The following FBRSL1 variants were observed in gnomAD, a reference collection of about 807,000 sequenced individuals.
FBRSL1 encodes the protein fibrosin like 1.
Under a neutral mutation model 89.6 loss-of-function variants are expected in FBRSL1, and 51 were observed. The observed-to-expected ratio is 0.57, with a 90% CI of 0.45 to 0.72. FBRSL1 has a LOEUF of 0.72. FBRSL1 is among the 30% of genes least tolerant of loss of function. The probability of loss-of-function intolerance (pLI) is 0.00; values close to 1 mark genes in which losing one functional copy is unlikely to be tolerated. For synonymous variants in FBRSL1, 779 were observed against 681.1 expected (o/e 1.14, Z -2.24); for missense variants, 1,618 against 1,451.8 (o/e 1.11, Z -1.86).
intron 15 of FBRSL1, among the ~76,000 whole-genome samples, chr12:132,578,349 A>T (rs2040514840): frequency 1.3e-5 from 2 of 151,612 alleles, no homozygotes; most frequent in Non-Finnish European, 2.9e-5. Context: ...TGTCTCACAC[A>T]CACACACACA....
At chr12:132,491,278 C>T (rs570033155) in intron 1 of FBRSL1, among the ~76,000 whole-genome samples, 9 of 152,354 alleles carry the variant, frequency 5.9e-5, no homozygotes, top group African/African-American at 2.2e-4. Flanking sequence ...CCGTTCCCTC[C>T]TCCCTTCGAG....
intron 4 of FBRSL1, among the ~76,000 whole-genome samples, chr12:132,531,494 C>T (rs551355675): frequency 7.2e-5 from 11 of 152,106 alleles, no homozygotes; most frequent in Admixed American, 3.9e-4. Flanking sequence ...CTGCATGGGG[C>T]TGTGCGTTGC....
chr12:132,501,834 G>A (rs974325560), intron 1 of FBRSL1, among the ~76,000 whole-genome samples: 4 of 152,168 alleles, frequency 2.6e-5, no homozygotes, highest in Non-Finnish European at 5.9e-5. Flanking sequence ...ACCCAGGCCC[G>A]TGGCTCCTCT....
At chr12:132,575,418 G>T (rs928099248) in intron 14 of FBRSL1, among the ~76,000 whole-genome samples, 1 of 152,172 alleles carries the variant, frequency 6.6e-6, no homozygotes, top group South Asian at 2.1e-4. Flanking sequence ...TTGTAGAGAC[G>T]GGGTTTCACC....
intron 15 of FBRSL1, among the ~76,000 whole-genome samples, chr12:132,578,346 C>CACACACACACACACACACACAT (rs1190529414): frequency 6.6e-6 from 1 of 151,064 alleles, no homozygotes; most frequent in Non-Finnish European, 1.5e-5. Context: ...CCCTGTCTCA[C>CACACACACACACACACACACAT]ACACACACAC....
At chr12:132,555,477 C>T (rs552827494) in intron 5 of FBRSL1, among the ~76,000 whole-genome samples, 1 of 147,632 alleles carries the variant, frequency 6.8e-6, no homozygotes, top group Admixed American at 6.7e-5. Flanking sequence ...CCACGGTAGC[C>T]GCCCCACCCG....
chr12:132,568,654 C>A (rs1374841840), intron 6 of FBRSL1, among the ~76,000 whole-genome samples: 31 of 152,268 alleles, frequency 2.0e-4, no homozygotes, highest in South Asian at 2.1e-4. Flanking sequence ...TCTTTCCATC[C>A]TGATCACAGC....
chr12:132,531,560 T>TGTGTGTGA (rs2036284686), intron 4 of FBRSL1, among the ~76,000 whole-genome samples: 1 of 152,052 alleles, frequency 6.6e-6, no homozygotes, highest in Non-Finnish European at 1.5e-5. Context: ...CGTGTGTGTG[T>TGTGTGTGA]GTGTGTGCAC....
In FBRSL1 at chr12:132,582,227, A is replaced by C; in HGVS notation, c.2162A>C (p.His721Pro). 1 of 1,550,136 alleles carries C rather than the reference A, an allele frequency of 6.5e-7. No individual in the cohort carries two copies. Among genetic ancestry groups the C allele is most frequent in the Non-Finnish European group, 8.7e-7 (1 of 1,146,850 alleles). ...DAERVSALTN[H>P]DREPDNGKEE... Reference sequence around the variant, plus strand: ...GAGCGGGTGTCAGCCCTGACCAACCATGACCGAGAGCCGGACAATGGCAAG... The same window carrying C: ...GAGCGGGTGTCAGCCCTGACCAACCCTGACCGAGAGCCGGACAATGGCAAG... Residue 721 changes from histidine (H) to proline (P), a missense_variant, in exon 18 of 19, where the codon CAT becomes CCT. Transcript: ENST00000680143.
At chr12:132,563,523 A>G (rs2039321069) in intron 5 of FBRSL1, among the ~76,000 whole-genome samples, 1 of 151,694 alleles carries the variant, frequency 6.6e-6, no homozygotes, top group Admixed American at 6.6e-5. Context: ...GGGGCTTCTC[A>G]TTGCGCTCTT....
At chr12:132,521,731 C>T (rs529462147) in intron 2 of FBRSL1, among the ~76,000 whole-genome samples, 1 of 152,320 alleles carries the variant, frequency 6.6e-6, no homozygotes, top group East Asian at 1.9e-4. Flanking sequence ...TTGTGCACTG[C>T]ACCGCTCCAG....
intron 4 of FBRSL1, among the ~76,000 whole-genome samples, chr12:132,536,400 TATG>T (rs2036748681): frequency 6.6e-6 from 1 of 150,940 alleles, no homozygotes; most frequent in African/African-American, 2.5e-5. Flanking sequence ...TACATGACAA[TATG>T]ATTCTGTACA....
chr12:132,581,785 AGCAGCCACGCCTTTGGGGGCCTGG>A lies in FBRSL1; in HGVS notation c.1965_1988del (p.Phe657_Ala664del), dbSNP rs1455139638. 71 of 1,549,410 alleles carry A rather than the reference AGCAGCCACGCCTTTGGGGGCCTGG, an allele frequency of 4.6e-5. No individual in the cohort carries two copies. The highest frequency in any genetic ancestry group is 5.7e-5 in the Non-Finnish European group (65 of 1,146,522). On this transcript the variant is annotated inframe_deletion, in exon 17 of 19. Transcript: ENST00000680143. ...CACCTTTGGGGGCCTGGGCAGCCTG[AGCAGCCACGCCTTTGGGGGCCTGG>A]GCAGCCATGCACTGGGTGAGTGACC...
chr12:132,580,988 T>C, intron 15 of FBRSL1: 1 of 985,446 alleles, frequency 1.0e-6, no homozygotes, highest in Non-Finnish European at 1.2e-6. Context: ...GGGGCTGCCA[T>C]GTGCAGCCTC....
chr12:132,522,403 C>G (rs1244885019), intron 2 of FBRSL1, among the ~76,000 whole-genome samples: 1 of 152,140 alleles, frequency 6.6e-6, no homozygotes, highest in Non-Finnish European at 1.5e-5. Flanking sequence ...GGGAGGGGCT[C>G]TGTGCGCCTG....
At chr12:132,491,541 C>G (rs569710598) in intron 1 of FBRSL1, among the ~76,000 whole-genome samples, 3 of 152,352 alleles carry the variant, frequency 2.0e-5, no homozygotes, top group Non-Finnish European at 2.9e-5. Context: ...TTGCCCTGCA[C>G]CAGGGCCGAG....
At chr12:132,527,812 G>A in intron 3 of FBRSL1, 141 bp from the exon 4 acceptor site, 1 of 790,206 alleles carries the variant, frequency 1.3e-6, no homozygotes, top group Non-Finnish European at 2.1e-6. Context: ...TCGGGTCTGT[G>A]GATCTGCGGG....
intron 2 of FBRSL1, among the ~76,000 whole-genome samples, chr12:132,522,595 T>TACTGACGTCACAGAAACTG (rs1555270194): frequency 5.3e-5 from 8 of 152,212 alleles, no homozygotes; most frequent in Non-Finnish European, 1.0e-4. Flanking sequence ...TTGGTTTGGA[T>TACTGACGTCACAGAAACTG]ACTGACGTCA....
chr12:132,540,430 C>T (rs1014859794), intron 4 of FBRSL1, among the ~76,000 whole-genome samples: 1 of 150,436 alleles, frequency 6.6e-6, no homozygotes, highest in East Asian at 2.0e-4. Context: ...AGAGTGCGCC[C>T]AGCTGGTCCC....
Sources: allele counts gnomAD v4.1 joint callset (sites outside exome capture counted in the v4.1 genomes callset), GRCh38; gene constraint gnomAD v4.1.1; transcripts MANE v1.5; gene names NCBI Gene and HGNC (gene_info 2026-07-23, HGNC 2026-07-21).